The following TBXAS1 variants were observed in gnomAD, a reference collection of about 807,000 sequenced individuals.
TBXAS1 encodes thromboxane A synthase 1, also known as thromboxane-A synthase.
TBXAS1 carries 48 observed loss-of-function variants against 60.7 expected under a neutral mutation model. That is an observed-to-expected ratio of 0.79 (90% CI 0.63 to 1.01). TBXAS1 has a LOEUF of 1.01. Ranked by LOEUF, TBXAS1 falls within the 50% of genes least tolerant of loss-of-function variation. The probability of loss-of-function intolerance (pLI) is 0.00; values close to 1 mark genes in which losing one functional copy is unlikely to be tolerated. For synonymous variants in TBXAS1, 287 were observed against 269.7 expected (o/e 1.06, Z -0.63); for missense variants, 685 against 686.3 (o/e 1.00, Z 0.02).
At chr7:139,949,169 T>A (rs1420479637) in intron 5 of TBXAS1, among the ~76,000 whole-genome samples, 1 of 152,196 alleles carries the variant, frequency 6.6e-6, no homozygotes, top group Non-Finnish European at 1.5e-5. Flanking sequence ...AGGAATATGT[T>A]TGGATTCAGA....
intron 4 of TBXAS1, among the ~76,000 whole-genome samples, chr7:139,809,787 G>T (rs1027440807): frequency 6.6e-6 from 1 of 152,124 alleles, no homozygotes; most frequent in Admixed American, 6.6e-5. Flanking sequence ...AGCTGAATGG[G>T]TGGTGCCCGT....
At chr7:139,925,145 T>C (rs892989409) in intron 4 of TBXAS1, among the ~76,000 whole-genome samples, 10 of 152,362 alleles carry the variant, frequency 6.6e-5, no homozygotes, top group African/African-American at 2.2e-4. Flanking sequence ...TTTGGGTCTT[T>C]TGTGTTTCCA....
intron 4 of TBXAS1, among the ~76,000 whole-genome samples, chr7:139,792,464 A>G (rs751788932): frequency 2.6e-5 from 4 of 152,230 alleles, no homozygotes; most frequent in Non-Finnish European, 5.9e-5. Flanking sequence ...TGCAGGTCCC[A>G]GAGGTTTGTC....
chr7:139,865,942 G>A (rs984402752), intron 1 of TBXAS1, among the ~76,000 whole-genome samples: 1 of 151,044 alleles, frequency 6.6e-6, no homozygotes, highest in African/African-American at 2.5e-5. Flanking sequence ...GGGAAGAAGG[G>A]AAGAAAGTTA....
intron 4 of TBXAS1, chr7:139,913,578 T>C (rs1805713798): frequency 5.9e-6 from 1 of 169,264 alleles, no homozygotes; most frequent in African/African-American, 2.3e-5. Context: ...GGGGCAGACA[T>C]ACTCAATGCA....
At chr7:139,909,921 C>G (rs187601109) in intron 3 of TBXAS1, among the ~76,000 whole-genome samples, 1 of 152,170 alleles carries the variant, frequency 6.6e-6, no homozygotes, top group Non-Finnish European at 1.5e-5. Context: ...ACTCACGGTT[C>G]CCCCAAGCAG....
intron 1 of TBXAS1, among the ~76,000 whole-genome samples, chr7:139,848,323 T>C (rs1039759199): frequency 2.0e-5 from 3 of 152,112 alleles, no homozygotes; most frequent in Admixed American, 6.5e-5. Context: ...TGGGTATATG[T>C]CAAAGCTGTC....
At chr7:139,835,734 C>T (rs1184146766) in intron 1 of TBXAS1, among the ~76,000 whole-genome samples, 2 of 152,246 alleles carry the variant, frequency 1.3e-5, no homozygotes, top group South Asian at 2.1e-4. Context: ...AGGATGTCCA[C>T]TCTCACCACT....
chr7:139,789,123 C>CATATATGTAT (rs1797294287), intron 4 of TBXAS1: 1 of 152,172 alleles, frequency 6.6e-6, no homozygotes. Context: ...CTTTGTTTAG[C>CATATATGTAT]ACCCCCACTA....
At chr7:139,816,660 C>G (rs546781262) in intron 4 of TBXAS1, among the ~76,000 whole-genome samples, 5 of 152,338 alleles carry the variant, frequency 3.3e-5, no homozygotes, top group African/African-American at 1.2e-4. Context: ...ATTACTGAAT[C>G]AGAAACTCTG....
At chr7:139,945,900 G>T (rs1044459705) in intron 5 of TBXAS1, among the ~76,000 whole-genome samples, 2 of 152,224 alleles carry the variant, frequency 1.3e-5, no homozygotes, top group Non-Finnish European at 2.9e-5. Context: ...GGGAAGATCT[G>T]CTTCTAAGCC....
rs1247223658 is a variant in TBXAS1, at chr7:140,011,301, CAAA to C, written c.1226+4125_1226+4127del. On this transcript the variant is annotated intron_variant, in intron 10 of 12. Coordinates refer to ENST00000448866, the MANE Select transcript of TBXAS1 (RefSeq NM_001061.7). ...CAAAAAAAACAAACAAACAAACAAA[CAAA>C]AAAAACAGTCCCCTAAACAATGAAG... Among the ~76,000 whole-genome samples, 31 of 79,860 alleles carry C rather than the reference CAAA, an allele frequency of 3.9e-4. No individual in the cohort carries two copies. In the East Asian group the frequency reaches 0.011, roughly 29 times the overall value. 52.4% of individuals were successfully genotyped at this position (79,860 alleles called of 152,430 possible).
intron 4 of TBXAS1, among the ~76,000 whole-genome samples, chr7:139,930,608 A>C (rs2117156495): frequency 6.6e-6 from 1 of 152,268 alleles, no homozygotes; most frequent in Non-Finnish European, 1.5e-5. Context: ...AGCTTCCAGA[A>C]GGCCCTGTGA....
chr7:139,976,325 G>A (rs1308725653), intron 9 of TBXAS1, among the ~76,000 whole-genome samples: 2 of 152,098 alleles, frequency 1.3e-5, no homozygotes, highest in East Asian at 1.9e-4. Flanking sequence ...GTTGGGAGCC[G>A]GGGGACAGCC....
intron 3 of TBXAS1, among the ~76,000 whole-genome samples, chr7:139,884,554 C>A (rs915631025): frequency 1.3e-5 from 2 of 152,124 alleles, no homozygotes; most frequent in African/African-American, 4.8e-5. Context: ...CTGTGGGTAC[C>A]GAGAGAGCAG....
At chr7:139,848,416 C>T (rs1339756930) in intron 1 of TBXAS1, among the ~76,000 whole-genome samples, 1 of 152,108 alleles carries the variant, frequency 6.6e-6, no homozygotes, top group Non-Finnish European at 1.5e-5. Context: ...TATGGAGGTC[C>T]AGAGAAGTTA....
intron 4 of TBXAS1, among the ~76,000 whole-genome samples, chr7:139,934,873 C>T (rs972640305): frequency 4.6e-5 from 7 of 152,202 alleles, no homozygotes; most frequent in African/African-American, 9.6e-5. Flanking sequence ...AGTGCAGTGG[C>T]GCAATCTCAG....
At chr7:139,960,681 G>C (rs1456116907) in intron 8 of TBXAS1, among the ~76,000 whole-genome samples, 3 of 151,800 alleles carry the variant, frequency 2.0e-5, no homozygotes, top group Non-Finnish European at 4.4e-5. Context: ...GGGAGGTGGA[G>C]GTTGCAGTGA....
At chr7:139,814,089 C>T (rs1798090191) in intron 4 of TBXAS1, among the ~76,000 whole-genome samples, 2 of 152,162 alleles carry the variant, frequency 1.3e-5, no homozygotes, top group African/African-American at 4.8e-5. Flanking sequence ...CAGATGGTAC[C>T]ATCTCTTCAT....
Sources: allele counts gnomAD v4.1 joint callset (sites outside exome capture counted in the v4.1 genomes callset), GRCh38; gene constraint gnomAD v4.1.1; transcripts MANE v1.5; gene names NCBI Gene and HGNC (gene_info 2026-07-23, HGNC 2026-07-21).